COL14A1: variants seen among roughly 807,000 people sequenced by gnomAD.
The protein encoded by COL14A1 is collagen alpha-1(XIV) chain.
In COL14A1, 136 loss-of-function variants were observed where a neutral mutation model predicts 230.3. That is an observed-to-expected ratio of 0.59 (90% CI 0.51 to 0.68). The LOEUF is 0.68. Ranked by LOEUF, COL14A1 falls within the 30% of genes least tolerant of loss-of-function variation. The probability of loss-of-function intolerance (pLI) is 0.00; values close to 1 mark genes in which losing one functional copy is unlikely to be tolerated. For missense variants in COL14A1, 1,976 were observed against 2,215.8 expected, an observed-to-expected ratio of 0.89 and a Z score of 2.17; for synonymous variants, 792 against 784.1, an observed-to-expected ratio of 1.01 and a Z score of -0.17.
chr8:120,283,905 C>A, intron 32 of COL14A1, 127 bp downstream of exon 32: 1 of 641,984 alleles, frequency 1.6e-6, no homozygotes, highest in Non-Finnish European at 2.5e-6. Flanking sequence ...AAATACTAAA[C>A]AATGAATTAT....
Position 120,247,649 on chromosome 8 carries a change from A to G in COL14A1, c.2516A>G (p.Glu839Gly). The G allele has an allele frequency of 6.2e-7, 1 of 1,614,174 alleles. No homozygotes were observed. The highest frequency in any genetic ancestry group is 1.6e-4 in the Middle Eastern group (1 of 6,062). Reference protein sequence around the residue: ...SSGPQNLRVSEEWYNRLRITW... With the variant: ...SSGPQNLRVSGEWYNRLRITW... ...GGGCCCCAGAACTTGCGGGTGTCCG[A>G]GGAATGGTATAACCGGTTGCGCATT... Residue 839 changes from glutamate (E) to glycine (G), a missense_variant, in exon 21 of 48, where the codon GAG becomes GGG. Physicochemically the swap from Glu to Gly is moderately conservative, Grantham distance 98. Coordinates refer to ENST00000297848, the MANE Select transcript of COL14A1 (RefSeq NM_021110.4).
intron 18 of COL14A1, among the ~76,000 whole-genome samples, chr8:120,231,123 T>C (rs1002182640): frequency 6.6e-6 from 1 of 152,094 alleles, no homozygotes; most frequent in African/African-American, 2.4e-5. Flanking sequence ...AGAGCACTAG[T>C]GTGAGGTTCT....
intron 7 of COL14A1, 74 bp from the exon 8 acceptor site, chr8:120,199,328 T>C (rs1279410446): frequency 6.0e-6 from 8 of 1,337,698 alleles, no homozygotes; most frequent in African/African-American, 3.0e-5. Context: ...ACCCATCTTG[T>C]GGTTATATCT....
chr8:120,172,815 T>A (rs1417237619), intron 5 of COL14A1, among the ~76,000 whole-genome samples: 1 of 152,186 alleles, frequency 6.6e-6, no homozygotes, highest in Admixed American at 6.5e-5. Flanking sequence ...ACATAAGAAC[T>A]ATCAAATACA....
intron 33 of COL14A1, among the ~76,000 whole-genome samples, chr8:120,287,548 T>G (rs1357092568): frequency 2.0e-5 from 3 of 152,196 alleles, no homozygotes; most frequent in Non-Finnish European, 4.4e-5. Flanking sequence ...TTCCAAAGAA[T>G]CCTTTGTAAG....
intron 1 of COL14A1, among the ~76,000 whole-genome samples, chr8:120,136,444 G>A (rs568717943): frequency 6.6e-6 from 1 of 151,628 alleles, no homozygotes; most frequent in Non-Finnish European, 1.5e-5. Context: ...TTGATGGTTA[G>A]CCTTTTTCTC....
chr8:120,310,111 T>A, intron 37 of COL14A1, 49 bp downstream of exon 37: 1 of 1,541,182 alleles, frequency 6.5e-7, no homozygotes, highest in Non-Finnish European at 8.9e-7. Context: ...TCTCTCTCTC[T>A]CATAAATAGC....
chr8:120,211,590 TAA>T (rs2130763653), intron 12 of COL14A1, among the ~76,000 whole-genome samples: 1 of 152,248 alleles, frequency 6.6e-6, no homozygotes, highest in African/African-American at 2.4e-5. Flanking sequence ...TTTTAAAAAA[TAA>T]AATCTGAAGT....
chr8:120,162,357 A>G, intron 3 of COL14A1, 69 bp from the exon 4 acceptor site: 4 of 1,331,342 alleles, frequency 3.0e-6, no homozygotes, highest in South Asian at 1.7e-5. Flanking sequence ...TTGCTAACTA[A>G]TAAAGTTTCT....
chr8:120,319,456 C>T (rs1034206074), intron 40 of COL14A1, among the ~76,000 whole-genome samples: 5 of 151,996 alleles, frequency 3.3e-5, no homozygotes, highest in South Asian at 2.1e-4. Context: ...ATTACAAGCA[C>T]GAGCCACAAC....
intron 8 of COL14A1, among the ~76,000 whole-genome samples, chr8:120,200,968 A>T (rs2130726556): frequency 6.6e-6 from 1 of 151,420 alleles, no homozygotes; most frequent in African/African-American, 2.4e-5. Flanking sequence ...TTTCATCCTG[A>T]TCACCTATCC....
At chr8:120,140,426 G>A (rs1376880163) in intron 1 of COL14A1, among the ~76,000 whole-genome samples, 2 of 151,354 alleles carry the variant, frequency 1.3e-5, no homozygotes, top group African/African-American at 2.4e-5. Context: ...ACAGTGCTTT[G>A]GTTATATAGT....
intron 40 of COL14A1, among the ~76,000 whole-genome samples, chr8:120,316,307 T>C (rs768252022): frequency 9.2e-5 from 14 of 152,242 alleles, no homozygotes; most frequent in Non-Finnish European, 2.1e-4. Flanking sequence ...TTCTTTCAAA[T>C]CCTTGAGGCA....
At chr8:120,343,778 A>G (rs1822400222) in intron 44 of COL14A1, among the ~76,000 whole-genome samples, 1 of 152,232 alleles carries the variant, frequency 6.6e-6, no homozygotes, top group East Asian at 1.9e-4. Context: ...AACATTAATC[A>G]TTTTGTACTG....
At chr8:120,167,759 G>A (rs1586732962) in intron 4 of COL14A1, among the ~76,000 whole-genome samples, 1 of 152,164 alleles carries the variant, frequency 6.6e-6, no homozygotes, top group Non-Finnish European at 1.5e-5. Context: ...CAAGCTCATC[G>A]GCTAAGTCCA....
chr8:120,333,831 G>A (rs564234670), intron 42 of COL14A1, among the ~76,000 whole-genome samples: 1 of 152,276 alleles, frequency 6.6e-6, no homozygotes, highest in East Asian at 1.9e-4. Flanking sequence ...AGCCAGCAAT[G>A]TTGCATCTCT....
At chr8:120,195,847 G>A (rs1350396501) in intron 5 of COL14A1, among the ~76,000 whole-genome samples, 1 of 152,086 alleles carries the variant, frequency 6.6e-6, no homozygotes, top group African/African-American at 2.4e-5. Context: ...ATGTGGGTGG[G>A]GACACAACCA....
intron 40 of COL14A1, among the ~76,000 whole-genome samples, chr8:120,327,665 A>G (rs1821725030): frequency 6.6e-6 from 1 of 152,038 alleles, no homozygotes. Flanking sequence ...CTCACCCTAT[A>G]CATTTCCAGA....
intron 42 of COL14A1, among the ~76,000 whole-genome samples, chr8:120,338,436 T>G (rs1359252064): frequency 6.6e-6 from 1 of 152,210 alleles, no homozygotes; most frequent in Non-Finnish European, 1.5e-5. Context: ...TTTCACTTCC[T>G]TATTGCCTGG....
Sources: allele counts gnomAD v4.1 joint callset (sites outside exome capture counted in the v4.1 genomes callset), GRCh38; gene constraint gnomAD v4.1.1; transcripts MANE v1.5; gene names NCBI Gene and HGNC (gene_info 2026-07-23, HGNC 2026-07-21).